NLRP5: variants seen among roughly 807,000 people sequenced by gnomAD.
The protein encoded by NLRP5 is NACHT, LRR and PYD domains-containing protein 5.
A neutral mutation model predicts 113.1 loss-of-function variants in NLRP5; 93 were observed. The ratio of observed to expected loss-of-function variants is 0.82; its 90% CI spans 0.70 to 0.98. The LOEUF is 0.98. Ranked by LOEUF, NLRP5 falls within the 50% of genes least tolerant of loss-of-function variation. The pLI, the probability that NLRP5 is intolerant of heterozygous loss-of-function variation, is 0.00. For missense variants in NLRP5, 1,808 were observed against 1,514.3 expected, an observed-to-expected ratio of 1.19 and a Z score of -3.22; for synonymous variants, 751 against 600.7, an observed-to-expected ratio of 1.25 and a Z score of -3.66.
rs1320818872 is a variant in NLRP5, at chr19:56,027,119, G to A, written c.886G>A (p.Ala296Thr). Residue 296 changes from alanine to threonine, a missense_variant, in exon 7 of 15, where the codon GCC (alanine) becomes ACC (threonine). Transcript: ENST00000390649. ...GTCAGGAATTGGGAAATCGGCTCTAGCCAGAAGGATCGTGCTGTGCTGGGC... is the reference window on the plus strand; with the variant it reads ...GTCAGGAATTGGGAAATCGGCTCTAACCAGAAGGATCGTGCTGTGCTGGGC... 6.3e-7 allele frequency: 1 copy of A among 1,588,168 alleles called. No individual in the cohort carries two copies. Among genetic ancestry groups the A allele is most frequent in the Non-Finnish European group, 8.6e-7 (1 of 1,167,384 alleles).
At chr19:55,991,916 G>A in the NLRP5 span, among the ~76,000 whole-genome samples, 5 of 148,720 alleles carry the variant, frequency 3.4e-5, no homozygotes, top group South Asian at 2.1e-4. Context: ...GGTTTGTTAC[G>A]TAGGTAAACT....
At chr19:56,005,648 G>T (rs938941578) in intron 2 of NLRP5, among the ~76,000 whole-genome samples, 1 of 149,276 alleles carries the variant, frequency 6.7e-6, no homozygotes, top group Non-Finnish European at 1.5e-5. Flanking sequence ...ACACACGCGC[G>T]CAGGTGGCAT....
chr19:56,028,928 C>T (rs1042350458), intron 7 of NLRP5, among the ~76,000 whole-genome samples: 2 of 152,106 alleles, frequency 1.3e-5, no homozygotes, highest in African/African-American at 2.4e-5. Context: ...CCATGCCCAG[C>T]TAGTTTTTGT....
intron 7 of NLRP5, 141 bp from the exon 8 acceptor site, chr19:56,032,470 C>T: frequency 1.6e-6 from 1 of 617,820 alleles, no homozygotes; most frequent in South Asian, 2.3e-5. Context: ...AGTGTGATGG[C>T]AGCCGCTAAG....
chr19:56,057,904 A>G (rs777430667), intron 13 of NLRP5, among the ~76,000 whole-genome samples: 17 of 151,924 alleles, frequency 1.1e-4, no homozygotes, highest in Non-Finnish European at 1.9e-4. Context: ...GCACGTGCCC[A>G]TAATCCCAGC....
chr19:56,001,435 GAC>G (rs1981647286), intron 1 of NLRP5, among the ~76,000 whole-genome samples: 1 of 151,560 alleles, frequency 6.6e-6, no homozygotes, highest in African/African-American at 2.4e-5. Context: ...ATTTTCTTCT[GAC>G]TCTCCTAATT....
At chr19:56,041,456 G>T (rs971539195) in intron 11 of NLRP5, among the ~76,000 whole-genome samples, 2 of 152,088 alleles carry the variant, frequency 1.3e-5, no homozygotes, top group Non-Finnish European at 2.9e-5. Context: ...ATCAATCGAT[G>T]AAAATGTATT....
intron 6 of NLRP5, among the ~76,000 whole-genome samples, chr19:56,021,684 A>G (rs537668450): frequency 6.6e-6 from 1 of 152,258 alleles, no homozygotes; most frequent in East Asian, 1.9e-4. Flanking sequence ...ATTCCATTGT[A>G]TGGAAAGACC....
intron 3 of NLRP5, among the ~76,000 whole-genome samples, chr19:56,009,097 G>A (rs112659811): frequency 6.6e-6 from 1 of 151,954 alleles, no homozygotes; most frequent in East Asian, 1.9e-4. Flanking sequence ...CCAGTACTTT[G>A]GGAGGCTGAG....
At chr19:56,023,588 T>A (rs1467076490) in intron 6 of NLRP5, among the ~76,000 whole-genome samples, 3 of 152,106 alleles carry the variant, frequency 2.0e-5, no homozygotes, top group African/African-American at 7.2e-5. Flanking sequence ...ATAAGTAGCC[T>A]AGAGATGACT....
chr19:56,053,667 GC>G lies in NLRP5; in HGVS notation c.3159del (p.Cys1054ValfsTer7). On this transcript the variant is annotated frameshift_variant, in exon 13 of 15. Transcript: ENST00000390649. LOFTEE classifies it high-confidence loss of function. ...GTAAAGTGTCATCTCACCGCCGCGTGCTGTGAGAGTCTGTCCTGTGTGATCT... is the reference window on the plus strand; with the variant it reads ...GTAAAGTGTCATCTCACCGCCGCGTGTGTGAGAGTCTGTCCTGTGTGATCT... The G allele has an allele frequency of 6.2e-7, 1 of 1,613,932 alleles. No homozygotes were observed. Among genetic ancestry groups the G allele is most frequent in the Non-Finnish European group, 8.5e-7 (1 of 1,179,860 alleles).
rs770624516 is a variant in NLRP5, at chr19:56,030,714, CT to C, written c.2277-1879del. 9.8e-5 allele frequency among the ~76,000 whole-genome samples: 7 copies of C among 71,354 alleles called. 1 individual carries two copies. In the South Asian group the frequency reaches 1.7e-3, roughly 17 times the overall value. The allele number at this position is 71,354 out of a possible 152,430, so 46.8% of individuals were successfully genotyped here. A position where few individuals can be genotyped will look rare whatever the true frequency, so the allele number is the denominator to read the frequency against. ...ACTTACATTCATTCGCTTTCTTCTT[CT>C]TTTTTTTTTTTTTTTTTGAGACGGA... On this transcript the variant is annotated intron_variant, in intron 7 of 14. Transcript: ENST00000390649.
At chr19:56,029,103 T>G (rs559847971) in intron 7 of NLRP5, among the ~76,000 whole-genome samples, 24 of 151,972 alleles carry the variant, frequency 1.6e-4, no homozygotes, top group Non-Finnish European at 3.1e-4. Context: ...TTATTTGGTA[T>G]GGTGTCCAGG....
intron 6 of NLRP5, 86 bp downstream of exon 6, chr19:56,020,517 T>G: frequency 7.0e-7 from 1 of 1,437,818 alleles, no homozygotes; most frequent in Non-Finnish European, 9.7e-7. Context: ...TTCAAGGGTA[T>G]GTAGTTTAGA....
intron 10 of NLRP5, among the ~76,000 whole-genome samples, chr19:56,038,541 G>A (rs1340890145): frequency 6.6e-6 from 1 of 152,140 alleles, no homozygotes; most frequent in Non-Finnish European, 1.5e-5. Context: ...CCACTGGAGA[G>A]GTATACCCAC....
At chr19:56,012,313 T>A (rs1392739333) in intron 3 of NLRP5, among the ~76,000 whole-genome samples, 1 of 152,040 alleles carries the variant, frequency 6.6e-6, no homozygotes, top group Non-Finnish European at 1.5e-5. Context: ...CATGTCCGGC[T>A]AATTTTTTGT....
intron 3 of NLRP5, among the ~76,000 whole-genome samples, chr19:56,013,463 A>T (rs910251176): frequency 2.0e-5 from 3 of 152,022 alleles, no homozygotes; most frequent in Non-Finnish European, 4.4e-5. Flanking sequence ...AAGTGCTGGG[A>T]TTTTAACATA....
chr19:56,011,158 A>AAAAAATATATATAT (rs372922763), intron 3 of NLRP5, among the ~76,000 whole-genome samples: 1 of 145,124 alleles, frequency 6.9e-6, no homozygotes, highest in African/African-American at 2.5e-5. Flanking sequence ...GTCTTTAAAA[A>AAAAAATATATATAT]ATATATATAC....
intron 5 of NLRP5, among the ~76,000 whole-genome samples, chr19:56,020,117 C>CTGCCTTCATGGCATTTAT (rs1982560658): frequency 6.6e-6 from 1 of 151,946 alleles, no homozygotes; most frequent in African/African-American, 2.4e-5. Context: ...CAGGCATGAG[C>CTGCCTTCATGGCATTTAT]CACCACGCCC....
Sources: gnomAD v4.1 joint callset for allele counts (sites outside exome capture counted in the v4.1 genomes callset) on GRCh38, gnomAD v4.1.1 for gene constraint, MANE v1.5 for transcripts, NCBI Gene and HGNC (gene_info 2026-07-23, HGNC 2026-07-21) for gene names.